The following ANKRD31 variants were observed in gnomAD, a reference collection of about 807,000 sequenced individuals.
ANKRD31 encodes the protein ankyrin repeat domain 31, also known as ankyrin repeat domain-containing protein 31.
ANKRD31 carries 147 observed loss-of-function variants against 186.0 expected under a neutral mutation model. The ratio of observed to expected loss-of-function variants is 0.79; its 90% CI spans 0.69 to 0.91. The LOEUF is 0.91. Among genes scored for constraint, ANKRD31 ranks in the 40% least tolerant of loss-of-function variants. The pLI is 0.00. For missense variants in ANKRD31, 1,986 were observed against 2,148.8 expected (o/e 0.92, Z 1.50); for synonymous variants, 673 against 736.4 (o/e 0.91, Z 1.39).
intron 1 of ANKRD31, among the ~76,000 whole-genome samples, chr5:75,231,205 G>A (rs2150322260): frequency 6.6e-6 from 1 of 152,052 alleles, no homozygotes; most frequent in Admixed American, 6.6e-5. Flanking sequence ...AAGTAGCTGG[G>A]ACTACAGGTG....
chr5:75,081,787 T>C (rs2150014597), intron 24 of ANKRD31, among the ~76,000 whole-genome samples: 1 of 152,012 alleles, frequency 6.6e-6, no homozygotes, highest in South Asian at 2.1e-4. Context: ...TAGAGTACTT[T>C]AGCAATTCCA....
intron 2 of ANKRD31, among the ~76,000 whole-genome samples, chr5:75,224,544 G>A (rs1757524099): frequency 6.6e-6 from 1 of 151,836 alleles, no homozygotes. Context: ...ATTTTAAACC[G>A]GGGCAACAAG....
At chr5:75,178,510 A>G (rs886295746) in intron 10 of ANKRD31, among the ~76,000 whole-genome samples, 1 of 152,228 alleles carries the variant, frequency 6.6e-6, no homozygotes, top group African/African-American at 2.4e-5. Flanking sequence ...CAGATGTAAA[A>G]GAATGGAAAT....
At chr5:75,080,921 AT>A (rs75298527) in intron 24 of ANKRD31, among the ~76,000 whole-genome samples, 70,350 of 142,262 alleles carry the variant, frequency 0.49, 19,958 homozygotes, top group African/African-American at 0.81. Flanking sequence ...ACACAAAATT[AT>A]TTTTTTTTTT....
At chr5:75,107,694 A>G (rs1289119390) in intron 20 of ANKRD31, 77 bp from the exon 21 acceptor site, 1 of 821,002 alleles carries the variant, frequency 1.2e-6, no homozygotes, top group African/African-American at 1.7e-5. Context: ...AATTAGCCCT[A>G]TTGTTAATTT....
intron 5 of ANKRD31, among the ~76,000 whole-genome samples, chr5:75,204,844 T>G (rs1440341511): frequency 1.3e-5 from 2 of 152,236 alleles, no homozygotes; most frequent in Non-Finnish European, 2.9e-5. Flanking sequence ...ATGTATTTAA[T>G]TAAGAAAATG....
intron 10 of ANKRD31, among the ~76,000 whole-genome samples, chr5:75,187,110 T>TG (rs1754781261): frequency 1.7e-5 from 2 of 116,186 alleles, no homozygotes; most frequent in Non-Finnish European, 3.5e-5. Flanking sequence ...TGATTCTGTT[T>TG]TGTGTGTGTG....
At chr5:75,099,980 G>T (rs1462972842) in intron 22 of ANKRD31, among the ~76,000 whole-genome samples, 2 of 152,024 alleles carry the variant, frequency 1.3e-5, no homozygotes, top group African/African-American at 2.4e-5. Context: ...GAATTTGTTT[G>T]CTCTTGCTTC....
chr5:75,179,943 G>A (rs1178556889), intron 10 of ANKRD31, among the ~76,000 whole-genome samples: 1 of 152,132 alleles, frequency 6.6e-6, no homozygotes. Flanking sequence ...AAGTCAAATT[G>A]TCCCTGTTTT....
Position 75,188,144 on chromosome 5 carries a change from C to A in ANKRD31, c.1564+349G>T, listed in dbSNP as rs140111880. Among the ~76,000 whole-genome samples, 10 of 152,264 alleles carry A rather than the reference C, an allele frequency of 6.6e-5. No individual in the cohort carries two copies. In the East Asian group the frequency reaches 1.9e-3, roughly 29 times the overall value. Reference sequence around the variant, plus strand: ...TTTCCCCTACAGCTCAGTGCACCATCAGCTTCTTCCAGTGTTTGACATCAT... The same window carrying A: ...TTTCCCCTACAGCTCAGTGCACCATAAGCTTCTTCCAGTGTTTGACATCAT... On this transcript the variant is annotated intron_variant, in intron 10 of 25. Transcript: ENST00000506364.
At chr5:75,111,502 T>A (rs1747781829) in intron 20 of ANKRD31, among the ~76,000 whole-genome samples, 1 of 152,106 alleles carries the variant, frequency 6.6e-6, no homozygotes, top group Non-Finnish European at 1.5e-5. Context: ...GTGCAAAATT[T>A]TAAAGGAGAT....
At chr5:75,160,181 A>G (rs1752478764) in intron 11 of ANKRD31, among the ~76,000 whole-genome samples, 1 of 152,126 alleles carries the variant, frequency 6.6e-6, no homozygotes, top group Non-Finnish European at 1.5e-5. Flanking sequence ...CAAACATAAT[A>G]TGTATAACAG....
intron 10 of ANKRD31, among the ~76,000 whole-genome samples, chr5:75,173,796 C>A (rs1264990327): frequency 6.6e-6 from 1 of 152,106 alleles, no homozygotes; most frequent in Non-Finnish European, 1.5e-5. Flanking sequence ...ATGAAAATGG[C>A]CATACTGCCC....
chr5:75,085,415 C>G (rs1288343950), intron 23 of ANKRD31, among the ~76,000 whole-genome samples: 2 of 151,584 alleles, frequency 1.3e-5, no homozygotes, highest in Admixed American at 1.3e-4. Context: ...GTCACCCAGG[C>G]TGGAGCAGCA....
intron 3 of ANKRD31, among the ~76,000 whole-genome samples, chr5:75,214,758 C>T (rs1756863190): frequency 6.6e-6 from 1 of 152,228 alleles, no homozygotes; most frequent in South Asian, 2.1e-4. Flanking sequence ...GTATTCACAA[C>T]TCTCAGATAA....
At chr5:75,137,668 G>T (rs776996416) in intron 17 of ANKRD31, among the ~76,000 whole-genome samples, 188 bp downstream of exon 17, 2 of 152,118 alleles carry the variant, frequency 1.3e-5, no homozygotes, top group Non-Finnish European at 2.9e-5. Context: ...ATGGAGAAAT[G>T]ATTCATTAGG....
rs1748097741 is a variant in ANKRD31 at position 75,115,015 on chromosome 5, A to T, written c.4155+1551T>A. Among the ~76,000 whole-genome samples the T allele has an allele frequency of 2.0e-5, 3 of 152,292 alleles. No individual in the cohort carries two copies. In the East Asian group the frequency reaches 5.8e-4, roughly 29 times the overall value. On this transcript the variant is annotated intron_variant, in intron 19 of 25. Coordinates refer to ENST00000506364, the MANE Select transcript of ANKRD31 (RefSeq NM_001372053.1). Reference sequence around the variant, plus strand: ...CTACCTGACTTCAAACTATACTACAAGGCTACAGTAACCAAAACAGCATGG... The same window carrying T: ...CTACCTGACTTCAAACTATACTACATGGCTACAGTAACCAAAACAGCATGG...
chr5:75,176,020 G>C lies in ANKRD31; in HGVS notation c.1565-6899C>G, dbSNP rs550686324. ...GGTGACAGACGGCACCTGGAAAATT[G>C]GGTCACTCCCACCCTAATACTGCGC... On this transcript the variant is annotated intron_variant, in intron 10 of 25. Coordinates refer to ENST00000506364, the MANE Select transcript of ANKRD31 (RefSeq NM_001372053.1). 2.6e-4 allele frequency among the ~76,000 whole-genome samples: 40 copies of C among 152,212 alleles called. No homozygotes were observed. In the South Asian group the frequency reaches 8.3e-3, roughly 32 times the overall value.
intron 23 of ANKRD31, 102 bp from the exon 24 acceptor site, chr5:75,084,476 T>A: frequency 1.1e-6 from 1 of 927,368 alleles, no homozygotes; most frequent in Non-Finnish European, 1.7e-6. Flanking sequence ...TTGATTGTTG[T>A]ATGTTGTGGA....
Sources: allele counts gnomAD v4.1 joint callset (sites outside exome capture counted in the v4.1 genomes callset), GRCh38; gene constraint gnomAD v4.1.1; transcripts MANE v1.5; gene names NCBI Gene and HGNC (gene_info 2026-07-23, HGNC 2026-07-21).